EYS: variants seen among roughly 807,000 people sequenced by gnomAD.
EYS encodes the protein EGF-like photoreceptor maintenance factor.
In EYS, 250 loss-of-function variants were observed where a neutral mutation model predicts 282.1. The ratio of observed to expected loss-of-function variants is 0.89; its 90% CI spans 0.80 to 0.98. The LOEUF (loss-of-function observed/expected upper bound fraction) is 0.98. Ranked by LOEUF, EYS falls within the 50% of genes least tolerant of loss-of-function variation. The pLI is 0.00. For synonymous variants in EYS, 1,355 were observed against 1,282.9 expected, an observed-to-expected ratio of 1.06 and a Z score of -1.20; for missense variants, 4,016 against 3,709.0, an observed-to-expected ratio of 1.08 and a Z score of -2.15.
chr6:64,918,128 C>G (rs1445129413), intron 15 of EYS, among the ~76,000 whole-genome samples: 2 of 152,024 alleles, frequency 1.3e-5, no homozygotes. Flanking sequence ...TTACTAAACT[C>G]TTAACCTCTG....
At chr6:64,786,838 T>C (rs549324576) in intron 22 of EYS, among the ~76,000 whole-genome samples, 1 of 152,332 alleles carries the variant, frequency 6.6e-6, no homozygotes, top group Admixed American at 6.5e-5. Flanking sequence ...TCTTTGGAGC[T>C]ACTCTAGTGA....
At chr6:65,697,075 A>G (rs1769481492) in intron 1 of EYS, among the ~76,000 whole-genome samples, 1 of 151,970 alleles carries the variant, frequency 6.6e-6, no homozygotes, top group Non-Finnish European at 1.5e-5. Flanking sequence ...TCTCACATAT[A>G]TGTTTTTGTG....
chr6:64,193,661 C>A (rs1178553867), intron 31 of EYS, among the ~76,000 whole-genome samples: 1 of 152,074 alleles, frequency 6.6e-6, no homozygotes, highest in Admixed American at 6.5e-5. Context: ...TACCCCCACC[C>A]AATGACAGGC....
At chr6:65,265,276 G>C (rs1486068640) in intron 12 of EYS, among the ~76,000 whole-genome samples, 1 of 152,000 alleles carries the variant, frequency 6.6e-6, no homozygotes, top group African/African-American at 2.4e-5. Flanking sequence ...TCTAAAGAAA[G>C]TAATTTGTTT....
intron 14 of EYS, among the ~76,000 whole-genome samples, chr6:64,948,465 A>ATATTAAATATTAATAAC (rs1264391136): frequency 1.4e-5 from 2 of 147,170 alleles, no homozygotes; most frequent in African/African-American, 4.9e-5. Flanking sequence ...ATATTATTAA[A>ATATTAAATATTAATAAC]TATTAAATAT....
chr6:64,402,366 G>A (rs1481443791), intron 28 of EYS, among the ~76,000 whole-genome samples: 1 of 152,106 alleles, frequency 6.6e-6, no homozygotes, highest in Non-Finnish European at 1.5e-5. Context: ...ATAAAACTTA[G>A]GCTTTTGATT....
At chr6:65,380,566 T>C (rs914056676) in intron 8 of EYS, among the ~76,000 whole-genome samples, 3 of 151,870 alleles carry the variant, frequency 2.0e-5, no homozygotes, top group African/African-American at 7.2e-5. Flanking sequence ...CATGGGCAAG[T>C]ACTTCATGAC....
At chr6:65,295,687 A>C (rs1768640604) in intron 12 of EYS, 176 bp downstream of exon 12, 1 of 620,888 alleles carries the variant, frequency 1.6e-6, no homozygotes. Context: ...AATTGCCCAA[A>C]GAAGCAATCC....
At chr6:65,059,476 G>C (rs1269288125) in intron 12 of EYS, among the ~76,000 whole-genome samples, 2 of 152,096 alleles carry the variant, frequency 1.3e-5, no homozygotes, top group Non-Finnish European at 2.9e-5. Context: ...ACCAAAGTTA[G>C]TCTCCTACCC....
chr6:65,607,530 C>G (rs1472928772), intron 2 of EYS, among the ~76,000 whole-genome samples: 1 of 151,708 alleles, frequency 6.6e-6, no homozygotes, highest in Admixed American at 6.6e-5. Flanking sequence ...AAGAGTCGCC[C>G]TATGATATTA....
chr6:65,615,161 C>T (rs1766140379), intron 2 of EYS, among the ~76,000 whole-genome samples: 1 of 152,090 alleles, frequency 6.6e-6, no homozygotes, highest in African/African-American at 2.4e-5. Flanking sequence ...TTTTAAAATA[C>T]TTTGCAAATT....
chr6:65,001,449 C>T (rs77780741), intron 13 of EYS, among the ~76,000 whole-genome samples: 4,411 of 147,630 alleles, frequency 0.03, 316 homozygotes, highest in African/African-American at 0.1. Flanking sequence ...TCTTTCTCTG[C>T]GGAAGAGTCC....
At chr6:64,102,567 A>G (rs1772866386) in intron 31 of EYS, among the ~76,000 whole-genome samples, 1 of 152,104 alleles carries the variant, frequency 6.6e-6, no homozygotes, top group Non-Finnish European at 1.5e-5. Context: ...GATAAACTGC[A>G]GTTGAATGAA....
Position 64,090,082 on chromosome 6 carries a change from G to A in EYS, c.6425-8080C>T, listed in dbSNP as rs138998276. Among the ~76,000 whole-genome samples, 38 of 152,046 alleles carry A rather than the reference G, an allele frequency of 2.5e-4. 1 individual carries two copies. Among genetic ancestry groups the A allele is most frequent in the African/African-American group, 8.0e-4 (33 of 41,496 alleles). ...CCTTTCTCTTACTAAATAAAACATC[G>A]TTTAGCACACCAACAAGATCTTCAA... On this transcript the variant is annotated intron_variant, in intron 31 of 42. Transcript: ENST00000503581.
intron 35 of EYS, among the ~76,000 whole-genome samples, chr6:63,972,264 C>T (rs1283877531): frequency 6.6e-6 from 1 of 152,108 alleles, no homozygotes; most frequent in Non-Finnish European, 1.5e-5. Flanking sequence ...GAAATTTCTC[C>T]TTACCTGCCT....
At chr6:64,711,742 A>G (rs961320947) in intron 22 of EYS, among the ~76,000 whole-genome samples, 2 of 152,206 alleles carry the variant, frequency 1.3e-5, no homozygotes, top group African/African-American at 4.8e-5. Flanking sequence ...TAAATACGCT[A>G]TGCTATTCCT....
At chr6:64,431,441 A>G (rs1170577964) in intron 28 of EYS, among the ~76,000 whole-genome samples, 1 of 152,138 alleles carries the variant, frequency 6.6e-6, no homozygotes, top group Non-Finnish European at 1.5e-5. Context: ...TGAAAACCCA[A>G]TTTAATCCAT....
intron 7 of EYS, among the ~76,000 whole-genome samples, chr6:65,392,156 A>C (rs1766063601): frequency 6.6e-6 from 1 of 152,012 alleles, no homozygotes; most frequent in African/African-American, 2.4e-5. Context: ...CTTACACCTT[A>C]TACAAAAATC....
intron 22 of EYS, among the ~76,000 whole-genome samples, chr6:64,650,426 A>G (rs1180454603): frequency 2.6e-5 from 4 of 152,070 alleles, no homozygotes; most frequent in Non-Finnish European, 4.4e-5. Flanking sequence ...CAGTGTGACT[A>G]AAAACAAAGA....
Sources: gnomAD v4.1 joint callset for allele counts (sites outside exome capture counted in the v4.1 genomes callset) on GRCh38, gnomAD v4.1.1 for gene constraint, MANE v1.5 for transcripts, NCBI Gene and HGNC (gene_info 2026-07-23, HGNC 2026-07-21) for gene names.